Variants in RASEF observed in about 807,000 individuals in gnomAD.
The protein encoded by RASEF is RAS and EF-hand domain containing, also known as ras and EF-hand domain-containing protein.
Under a neutral mutation model 90.1 loss-of-function variants are expected in RASEF, and 68 were observed. The ratio of observed to expected loss-of-function variants is 0.75; its 90% CI spans 0.62 to 0.92. The LOEUF is 0.92. Ranked by LOEUF, RASEF falls within the 40% of genes least tolerant of loss-of-function variation. The pLI is 0.00. For synonymous variants in RASEF, 331 were observed against 345.2 expected, an observed-to-expected ratio of 0.96 and a Z score of 0.46; for missense variants, 949 against 937.2, an observed-to-expected ratio of 1.01 and a Z score of -0.16.
At chr9:83,107,470 T>G in the RASEF span, among the ~76,000 whole-genome samples, 2 of 152,182 alleles carry the variant, frequency 1.3e-5, no homozygotes, top group Non-Finnish European at 2.9e-5. Flanking sequence ...ACCTCCTCTC[T>G]CATTTTTGCC....
rs200800188 is a variant in RASEF, at chr9:83,001,017, C to A, written c.1316G>T (p.Gly439Val). ...ATTGGGATCTCTCAAGGTAGACAAG[C>A]CGCTGTCGAAGCAGCTTTCAGGCAG... ...DSLPESCFDS[G>V]LSTLRDPNEY... The change falls in exon 10 of 17, where the codon GGC becomes GTC. Residue 439 changes from glycine (G) to valine (V), a missense_variant. Coordinates refer to ENST00000376447, the MANE Select transcript of RASEF (RefSeq NM_152573.4). 6 of 1,614,166 alleles carry A rather than the reference C, an allele frequency of 3.7e-6. No homozygotes were observed. The highest frequency in any genetic ancestry group is 5.1e-6 in the Non-Finnish European group (6 of 1,180,012).
chr9:83,025,992 G>A, intron 1 of RASEF, 71 bp from the exon 2 acceptor site: 2 of 1,111,448 alleles, frequency 1.8e-6, no homozygotes, highest in Non-Finnish European at 2.5e-6. Flanking sequence ...GGGCTTTTAA[G>A]AAAGAGAAAC....
At chr9:83,027,987 CTGTGACCGGG>C (rs1829577369) in intron 1 of RASEF, among the ~76,000 whole-genome samples, 1 of 152,202 alleles carries the variant, frequency 6.6e-6, no homozygotes. Context: ...TTAACAAAGG[CTGTGACCGGG>C]TTGTGACAGT....
the RASEF span, among the ~76,000 whole-genome samples, chr9:83,108,601 A>G: frequency 6.6e-6 from 1 of 152,172 alleles, no homozygotes; most frequent in Non-Finnish European, 1.5e-5. Context: ...TTCTTAAGTA[A>G]AAAATGTGAT....
chr9:83,149,364 T>C, the RASEF span, among the ~76,000 whole-genome samples: 6 of 152,218 alleles, frequency 3.9e-5, no homozygotes, highest in East Asian at 5.8e-4. Context: ...GGGGAGATCA[T>C]AGGGAGGCTA....
chr9:83,106,692 C>T, the RASEF span, among the ~76,000 whole-genome samples: 2 of 152,160 alleles, frequency 1.3e-5, no homozygotes, highest in African/African-American at 4.8e-5. Flanking sequence ...AATTACTAAC[C>T]GGGACATCTG....
chr9:83,120,361 T>C, the RASEF span, among the ~76,000 whole-genome samples: 2 of 152,160 alleles, frequency 1.3e-5, no homozygotes, highest in African/African-American at 4.8e-5. Context: ...GGCCAAGAAA[T>C]ATAGTCAGTT....
At chr9:83,134,254 G>GA in the RASEF span, among the ~76,000 whole-genome samples, 1 of 151,980 alleles carries the variant, frequency 6.6e-6, no homozygotes. Context: ...GTGTAACAGA[G>GA]AATACATGGG....
the RASEF span, among the ~76,000 whole-genome samples, chr9:83,096,331 G>T: frequency 6.6e-6 from 1 of 152,120 alleles, no homozygotes; most frequent in Non-Finnish European, 1.5e-5. Context: ...GATCCTAACA[G>T]TGATCTAAGA....
At chr9:83,110,845 G>C in the RASEF span, among the ~76,000 whole-genome samples, 1 of 151,854 alleles carries the variant, frequency 6.6e-6, no homozygotes, top group Non-Finnish European at 1.5e-5. Context: ...CCAGGAATCA[G>C]GAAAAAGAAA....
chr9:83,094,140 T>C, the RASEF span, among the ~76,000 whole-genome samples: 1 of 151,938 alleles, frequency 6.6e-6, no homozygotes, highest in Non-Finnish European at 1.5e-5. Flanking sequence ...AATGGAAACA[T>C]ACTATCATGA....
the RASEF span, among the ~76,000 whole-genome samples, chr9:83,068,969 G>A: frequency 2.0e-5 from 3 of 152,128 alleles, no homozygotes; most frequent in Non-Finnish European, 2.9e-5. Flanking sequence ...TTGTAAACAT[G>A]CCATTTAATA....
chr9:83,189,816 T>C, the RASEF span, among the ~76,000 whole-genome samples: 1 of 152,186 alleles, frequency 6.6e-6, no homozygotes, highest in Non-Finnish European at 1.5e-5. Flanking sequence ...TGTCCCTTTG[T>C]TTCTCATTTA....
At position 83,022,358 on chromosome 9, in the gene RASEF, G is replaced by A. The variant is rs1442109605; in HGVS notation, c.647C>T (p.Ala216Val). Residue 216 changes from alanine (A) to valine (V), a missense_variant, in exon 3 of 17, where the codon GCA becomes GTA. Around this residue, in one of 3 missense-constraint regions of RASEF, gnomAD observed 656 missense variants for 592.2 expected, o/e 1.11. Coordinates refer to ENST00000376447, the MANE Select transcript of RASEF (RefSeq NM_152573.4). ...CACGTCTTTCCGTGTCTTATGTTCT[G>A]CAGCCTGAATCCTCTGATCCATTTC... ...EEEMDQRIQAAEHKTRKDEKR... is the reference protein window; with the variant it reads ...EEEMDQRIQAVEHKTRKDEKR... The A allele has an allele frequency of 4.3e-6, 7 of 1,613,814 alleles. No homozygotes were observed. The highest frequency in any genetic ancestry group is 5.9e-6 in the Non-Finnish European group (7 of 1,179,814).
the RASEF span, among the ~76,000 whole-genome samples, chr9:83,191,635 C>A: frequency 6.6e-6 from 1 of 152,132 alleles, no homozygotes; most frequent in Non-Finnish European, 1.5e-5. Flanking sequence ...CCACACCAAC[C>A]CTTGGAGAAA....
At chr9:83,097,197 G>A in the RASEF span, among the ~76,000 whole-genome samples, 2,223 of 152,274 alleles carry the variant, frequency 0.015, 59 homozygotes, top group African/African-American at 0.05. Flanking sequence ...AGATCCCTGA[G>A]GAATCGCCAC....
chr9:83,052,258 G>C (rs1274341698), intron 1 of RASEF, among the ~76,000 whole-genome samples: 2 of 143,236 alleles, frequency 1.4e-5, no homozygotes, highest in Admixed American at 6.8e-5. Context: ...CAACTTCTTC[G>C]TGGTTTAGTC....
At position 83,062,804 on chromosome 9, in the gene RASEF, C is replaced by A. The variant is rs763531752; in HGVS notation, c.64G>T (p.Ala22Ser). ...RLRSVFAACD[A>S]NRSGRLEREE... is the part of the protein sequence containing the mutation. ...CGCTCCAGGCGCCCCGAGCGGTTCG[C>A]GTCGCAGGCGGCGAAGACTGAGCGC... The change falls in exon 1 of 17, where the codon GCG becomes TCG. Residue 22 changes from alanine (A) to serine (S), a missense_variant. Physicochemically the swap from Ala to Ser is moderately conservative, Grantham distance 99. Coordinates refer to ENST00000376447, the MANE Select transcript of RASEF (RefSeq NM_152573.4). 8.4e-6 allele frequency: 13 copies of A among 1,556,336 alleles called. No individual in the cohort carries two copies. The highest frequency in any genetic ancestry group is 1.1e-5 in the Non-Finnish European group (13 of 1,161,410).
the RASEF span, among the ~76,000 whole-genome samples, chr9:83,107,080 A>G: frequency 5.3e-5 from 8 of 152,060 alleles, no homozygotes; most frequent in East Asian, 1.5e-3. Context: ...GTCTACTCCA[A>G]ATCTATGGCA....
Sources: gnomAD v4.1 joint callset for allele counts (sites outside exome capture counted in the v4.1 genomes callset) on GRCh38, gnomAD v4.1.1 for gene constraint, gnomAD v4.1.1 regional missense constraint, MANE v1.5 for transcripts, NCBI Gene and HGNC (gene_info 2026-07-23, HGNC 2026-07-21) for gene names.